The following ROBO2 variants were observed in gnomAD, a reference collection of about 807,000 sequenced individuals.
The protein encoded by ROBO2 is roundabout guidance receptor 2.
A neutral mutation model predicts 160.8 loss-of-function variants in ROBO2; 53 were observed. The ratio of observed to expected loss-of-function variants is 0.33; its 90% CI spans 0.26 to 0.41. The LOEUF (loss-of-function observed/expected upper bound fraction) is 0.41, where lower values mean the gene tolerates loss of function less well. Ranked by LOEUF, ROBO2 falls within the 10% of genes least tolerant of loss-of-function variation. The pLI, the probability that ROBO2 is intolerant of heterozygous loss-of-function variation, is 1.00. For synonymous variants in ROBO2, 664 were observed against 611.7 expected (o/e 1.09, Z -1.26); for missense variants, 1,577 against 1,722.4 (o/e 0.92, Z 1.49).
intron 2 of ROBO2, among the ~76,000 whole-genome samples, chr3:76,528,698 T>C (rs1255792388): frequency 6.6e-6 from 1 of 152,038 alleles, no homozygotes; most frequent in African/African-American, 2.4e-5. Flanking sequence ...AGGTTTCTCA[T>C]TAGCATATAG....
intron 2 of ROBO2, among the ~76,000 whole-genome samples, chr3:76,326,094 C>A (rs1036125677): frequency 6.6e-6 from 1 of 152,068 alleles, no homozygotes; most frequent in Non-Finnish European, 1.5e-5. Context: ...ATATTTTATT[C>A]TGCATGTTTT....
intron 2 of ROBO2, among the ~76,000 whole-genome samples, chr3:76,812,743 T>A (rs2065301665): frequency 6.6e-6 from 1 of 151,946 alleles, no homozygotes; most frequent in South Asian, 2.1e-4. Context: ...TATTAATAGA[T>A]ATCCTGCCAA....
intron 2 of ROBO2, among the ~76,000 whole-genome samples, chr3:76,745,287 C>T (rs1302581500): frequency 5.3e-5 from 8 of 151,984 alleles, no homozygotes; most frequent in Admixed American, 5.2e-4. Flanking sequence ...ATATTTCTTC[C>T]TCTATGTCTA....
intron 2 of ROBO2, among the ~76,000 whole-genome samples, chr3:76,284,916 T>C (rs1055928656): frequency 2.6e-5 from 4 of 152,120 alleles, no homozygotes; most frequent in African/African-American, 7.2e-5. Flanking sequence ...TCCAATCTCA[T>C]TGGTGAAACT....
chr3:77,556,850 C>T (rs752928399), intron 8 of ROBO2, among the ~76,000 whole-genome samples: 2 of 151,688 alleles, frequency 1.3e-5, no homozygotes, highest in South Asian at 2.1e-4. Context: ...TAACCATACA[C>T]AATAAAAAGC....
chr3:76,949,146 G>A (rs1281394270), intron 2 of ROBO2, among the ~76,000 whole-genome samples: 2 of 151,370 alleles, frequency 1.3e-5, no homozygotes, highest in African/African-American at 4.9e-5. Context: ...TATTATAAAT[G>A]TGCTTAGTTT....
At chr3:76,165,066 T>G (rs2072776655) in intron 2 of ROBO2, among the ~76,000 whole-genome samples, 1 of 152,190 alleles carries the variant, frequency 6.6e-6, no homozygotes, top group African/African-American at 2.4e-5. Context: ...CATATTTTTT[T>G]TTTACCACGG....
chr3:75,918,664 G>A (rs1946907582), intron 1 of ROBO2, among the ~76,000 whole-genome samples: 1 of 152,156 alleles, frequency 6.6e-6, no homozygotes, highest in Admixed American at 6.6e-5. Context: ...TCCTATCCAT[G>A]AGGATGGAAT....
intron 2 of ROBO2, among the ~76,000 whole-genome samples, chr3:77,136,658 G>A (rs1001169197): frequency 8.8e-6 from 1 of 113,914 alleles, no homozygotes; most frequent in Non-Finnish European, 1.8e-5. Flanking sequence ...TTTTTTTTTT[G>A]AGACTGAGTC....
chr3:75,926,399 A>AC (rs1043073725), intron 1 of ROBO2, among the ~76,000 whole-genome samples: 1 of 152,122 alleles, frequency 6.6e-6, no homozygotes, highest in African/African-American at 2.4e-5. Context: ...AGCAAATATT[A>AC]CCCCCACAAA....
chr3:77,273,957 A>C (rs4683969), intron 2 of ROBO2, among the ~76,000 whole-genome samples: 50,135 of 151,906 alleles, frequency 0.33, 10,110 homozygotes, highest in Middle Eastern at 0.5. Context: ...TTTGGTGTGA[A>C]TCTAACCTAG....
At chr3:77,602,391 T>C (rs2094446110) in exon 20 of ROBO2, 1 of 1,614,156 alleles carries the variant, frequency 6.2e-7, no homozygotes, top group Middle Eastern at 1.6e-4. Context: ...ATGAATTGGC[T>C]GTCGATCTGC....
At chr3:76,785,152 C>A (rs1401661198) in intron 2 of ROBO2, among the ~76,000 whole-genome samples, 1 of 151,106 alleles carries the variant, frequency 6.6e-6, no homozygotes. Flanking sequence ...GGCCTTGATA[C>A]ATTGTAAAAC....
intron 2 of ROBO2, among the ~76,000 whole-genome samples, chr3:77,458,236 G>T (rs2081888669): frequency 2.0e-5 from 3 of 152,180 alleles, no homozygotes; most frequent in Admixed American, 1.3e-4. Context: ...ATAACCTCCA[G>T]AGGGCAAAGA....
intron 2 of ROBO2, among the ~76,000 whole-genome samples, chr3:77,380,677 C>G (rs938757735): frequency 6.7e-6 from 1 of 149,326 alleles, no homozygotes; most frequent in Non-Finnish European, 1.5e-5. Context: ...CCCTCTCTCC[C>G]TCCTTCCCTC....
chr3:76,692,197 G>A (rs2092816792), intron 2 of ROBO2, among the ~76,000 whole-genome samples: 1 of 152,156 alleles, frequency 6.6e-6, no homozygotes, highest in Non-Finnish European at 1.5e-5. Flanking sequence ...GGGAGAGGGG[G>A]CAGCAGGTGC....
chr3:77,040,972 C>A, intron 1 of ROBO2, 126 bp downstream of exon 1: 1 of 1,257,458 alleles, frequency 8.0e-7, no homozygotes, highest in South Asian at 1.3e-5. Flanking sequence ...CGTTTTGGCC[C>A]GGCACGGGCT....
chr3:77,479,879 C>T (rs1016805897), intron 3 of ROBO2, among the ~76,000 whole-genome samples: 1 of 152,106 alleles, frequency 6.6e-6, no homozygotes, highest in Non-Finnish European at 1.5e-5. Flanking sequence ...TCAGTCGGTT[C>T]CCATGTTGGT....
chr3:77,104,471 T>C (rs961973423), intron 2 of ROBO2, among the ~76,000 whole-genome samples: 3 of 152,184 alleles, frequency 2.0e-5, no homozygotes, highest in African/African-American at 7.2e-5. Flanking sequence ...CCATTCATTG[T>C]ATGATAGACA....
Sources: allele counts gnomAD v4.1 joint callset (sites outside exome capture counted in the v4.1 genomes callset), GRCh38; gene constraint gnomAD v4.1.1; transcripts MANE v1.5; gene names NCBI Gene and HGNC (gene_info 2026-07-23, HGNC 2026-07-21).